STXBP5L: variants seen among roughly 807,000 people sequenced by gnomAD.
STXBP5L encodes the protein syntaxin-binding protein 5-like.
In STXBP5L, 65 loss-of-function variants were observed where a neutral mutation model predicts 144.5. That is an observed-to-expected ratio of 0.45 (90% confidence interval 0.37 to 0.55). The LOEUF is 0.55. Ranked by LOEUF, STXBP5L falls within the 20% of genes least tolerant of loss-of-function variation. The probability of loss-of-function intolerance (pLI) is 0.00; values close to 1 mark genes in which losing one functional copy is unlikely to be tolerated. For synonymous variants in STXBP5L, 505 were observed against 469.6 expected (o/e 1.08, Z -0.97); for missense variants, 1,298 against 1,405.5 (o/e 0.92, Z 1.22).
intron 5 of STXBP5L, among the ~76,000 whole-genome samples, chr3:121,075,077 C>T (rs1429015645): frequency 1.3e-5 from 2 of 152,150 alleles, no homozygotes; most frequent in Admixed American, 1.3e-4. Context: ...AAGTGGAACC[C>T]AGTCTGTCTC....
intron 9 of STXBP5L, among the ~76,000 whole-genome samples, chr3:121,189,855 TAAAA>T (rs921064920): frequency 3.3e-5 from 5 of 152,130 alleles, no homozygotes; most frequent in Admixed American, 3.3e-4. Flanking sequence ...AATAAACAAA[TAAAA>T]AGTATGTATT....
chr3:121,367,060 A>T (rs1460324717), intron 20 of STXBP5L, among the ~76,000 whole-genome samples: 2 of 152,152 alleles, frequency 1.3e-5, no homozygotes, highest in Admixed American at 6.6e-5. Context: ...TCAGTTGTTT[A>T]TGTTCTAAAA....
At chr3:120,960,472 T>C (rs958379943) in intron 3 of STXBP5L, among the ~76,000 whole-genome samples, 6 of 152,162 alleles carry the variant, frequency 3.9e-5, no homozygotes, top group Non-Finnish European at 4.4e-5. Flanking sequence ...ATGTTTATTG[T>C]GGCACTATTC....
chr3:121,344,604 G>T (rs562489154), intron 20 of STXBP5L, among the ~76,000 whole-genome samples: 11 of 152,062 alleles, frequency 7.2e-5, no homozygotes, highest in African/African-American at 2.4e-4. Context: ...AGAATGTGAA[G>T]TTAAAATCCA....
At chr3:121,019,959 C>T (rs183233714) in intron 3 of STXBP5L, among the ~76,000 whole-genome samples, 11 of 152,212 alleles carry the variant, frequency 7.2e-5, no homozygotes, top group African/African-American at 2.4e-4. Context: ...TTCAGAAGGT[C>T]GACTACTTAG....
chr3:120,958,579 G>C (rs1938328570), intron 3 of STXBP5L, among the ~76,000 whole-genome samples: 2 of 152,158 alleles, frequency 1.3e-5, no homozygotes, highest in African/African-American at 4.8e-5. Context: ...CTTCATCCCT[G>C]GGATGCAAGT....
intron 3 of STXBP5L, among the ~76,000 whole-genome samples, chr3:121,007,534 T>G (rs1426609759): frequency 3.9e-5 from 6 of 152,156 alleles, no homozygotes; most frequent in South Asian, 2.1e-4. Context: ...TGGAAAGTTT[T>G]AAACTAGAAA....
intron 3 of STXBP5L, among the ~76,000 whole-genome samples, chr3:121,003,866 T>C (rs1310948052): frequency 6.6e-6 from 1 of 152,176 alleles, no homozygotes; most frequent in Non-Finnish European, 1.5e-5. Flanking sequence ...TGGTTGAAGA[T>C]ATATGGCATT....
intron 3 of STXBP5L, among the ~76,000 whole-genome samples, chr3:120,989,464 C>G (rs747928894): frequency 6.6e-6 from 1 of 151,982 alleles, no homozygotes; most frequent in Non-Finnish European, 1.5e-5. Context: ...GTAATTTGCC[C>G]ACTCTTTAAT....
At chr3:121,002,883 A>C (rs1192212754) in intron 3 of STXBP5L, among the ~76,000 whole-genome samples, 1 of 151,996 alleles carries the variant, frequency 6.6e-6, no homozygotes, top group African/African-American at 2.4e-5. Flanking sequence ...AAGAACATGA[A>C]CTCATCATTT....
intron 5 of STXBP5L, among the ~76,000 whole-genome samples, chr3:121,082,104 T>G (rs2042273898): frequency 6.6e-6 from 1 of 152,204 alleles, no homozygotes; most frequent in Admixed American, 6.5e-5. Flanking sequence ...CTAGTTCCTA[T>G]GGCTTTCTAC....
In STXBP5L at chr3:120,942,648, C is replaced by G. The variant is rs533660819; in HGVS notation, c.190-12292C>G. ...GCTACTGATTTTTTTTTGTTTTAAT[C>G]TTCTACCTAGATAATTTACCACATT... On this transcript the variant is annotated intron_variant, in intron 2 of 26. Coordinates refer to ENST00000471454, the MANE Select transcript of STXBP5L (RefSeq NM_001308330.2). Among the ~76,000 whole-genome samples, 35 of 150,020 alleles carry G rather than the reference C, an allele frequency of 2.3e-4. 2 individuals carry two copies. The South Asian group carries it at 6.3e-3, about 27-fold the overall frequency.
chr3:121,149,637 A>G (rs2107974509), intron 7 of STXBP5L, among the ~76,000 whole-genome samples: 1 of 152,202 alleles, frequency 6.6e-6, no homozygotes, highest in Admixed American at 6.5e-5. Flanking sequence ...GTATACTAAA[A>G]TCTAACTATA....
At chr3:121,377,802 C>T (rs1415270703) in intron 20 of STXBP5L, among the ~76,000 whole-genome samples, 2 of 152,272 alleles carry the variant, frequency 1.3e-5, no homozygotes, top group South Asian at 2.1e-4. Flanking sequence ...CCATTTGACC[C>T]AGCAATCCCA....
rs114909324 is a variant in STXBP5L, at chr3:121,251,661, G to C, written c.1441+898G>C. Among the ~76,000 whole-genome samples, 368 of 152,256 alleles carry C rather than the reference G, an allele frequency of 2.4e-3. 5 individuals are homozygous for C. Among genetic ancestry groups the C allele is most frequent in the African/African-American group, 8.5e-3 (355 of 41,542 alleles). ...AAATTCAAGTAAAAATATCCAGCAG[G>C]TAAGGAGAACAGTCAGAAATGGAAA... is the stretch of plus-strand genomic sequence containing the variant. On this transcript the variant is annotated intron_variant, in intron 15 of 26. Coordinates refer to ENST00000471454, the MANE Select transcript of STXBP5L (RefSeq NM_001308330.2).
chr3:121,361,336 A>G (rs1463871531), intron 20 of STXBP5L, among the ~76,000 whole-genome samples: 1 of 152,150 alleles, frequency 6.6e-6, no homozygotes, highest in Non-Finnish European at 1.5e-5. Flanking sequence ...ATCTTTCTCT[A>G]GGTTTGGGAA....
At chr3:121,239,883 T>C (rs1413426707) in intron 13 of STXBP5L, among the ~76,000 whole-genome samples, 1 of 151,536 alleles carries the variant, frequency 6.6e-6, no homozygotes, top group Non-Finnish European at 1.5e-5. Context: ...TAAAATAAAA[T>C]AAAGAAAATA....
chr3:121,004,275 A>C (rs1414216998), intron 3 of STXBP5L, among the ~76,000 whole-genome samples: 3 of 151,386 alleles, frequency 2.0e-5, no homozygotes, highest in African/African-American at 7.3e-5. Flanking sequence ...CATCCCTTGT[A>C]AGTTGGATTC....
At chr3:120,983,925 C>A (rs1302168784) in intron 3 of STXBP5L, among the ~76,000 whole-genome samples, 1 of 152,200 alleles carries the variant, frequency 6.6e-6, no homozygotes, top group African/African-American at 2.4e-5. Context: ...CTGCATCTGG[C>A]CAGCCATTTT....
Sources: gnomAD v4.1 joint callset for allele counts (sites outside exome capture counted in the v4.1 genomes callset) on GRCh38, gnomAD v4.1.1 for gene constraint, MANE v1.5 for transcripts, NCBI Gene and HGNC (gene_info 2026-07-23, HGNC 2026-07-21) for gene names.